The following MACROD2 variants were observed in gnomAD, a reference collection of about 807,000 sequenced individuals.
MACROD2 encodes mono-ADP ribosylhydrolase 2, also known as ADP-ribose glycohydrolase MACROD2.
MACROD2 carries 36 observed loss-of-function variants against 70.4 expected under a neutral mutation model. That is an observed-to-expected ratio of 0.51 (90% CI 0.39 to 0.68). MACROD2 has a LOEUF of 0.68. MACROD2 is among the 30% of genes least tolerant of loss of function. The pLI, the probability that MACROD2 is intolerant of heterozygous loss-of-function variation, is 0.00. For missense variants in MACROD2, 496 were observed against 538.4 expected (o/e 0.92, Z 0.78); for synonymous variants, 172 against 178.8 (o/e 0.96, Z 0.30).
intron 5 of MACROD2, among the ~76,000 whole-genome samples, chr20:14,790,790 C>A (rs2072441618): frequency 6.6e-6 from 1 of 152,054 alleles, no homozygotes; most frequent in South Asian, 2.1e-4. Context: ...GGAGTTTAGA[C>A]CACAAACACT....
chr20:14,427,188 C>G (rs1431613078), intron 3 of MACROD2, among the ~76,000 whole-genome samples: 1 of 151,440 alleles, frequency 6.6e-6, no homozygotes, highest in South Asian at 2.1e-4. Context: ...TTTATTCGTC[C>G]TCTGTCTTTC....
intron 8 of MACROD2, among the ~76,000 whole-genome samples, chr20:15,803,926 T>C (rs1374578791): frequency 1.3e-5 from 2 of 152,246 alleles, no homozygotes; most frequent in Non-Finnish European, 2.9e-5. Context: ...TTCCCAATGT[T>C]TCTTTAAACT....
chr20:15,148,256 G>C (rs1203968184), intron 5 of MACROD2, among the ~76,000 whole-genome samples: 1 of 151,888 alleles, frequency 6.6e-6, no homozygotes, highest in Non-Finnish European at 1.5e-5. Context: ...GTGGGGGGTT[G>C]TTAGAAGAAA....
intron 17 of MACROD2, among the ~76,000 whole-genome samples, chr20:16,048,831 A>G (rs6034360): frequency 0.25 from 37,827 of 152,098 alleles, 4,838 homozygotes; most frequent in Middle Eastern, 0.39. Context: ...ATGAAAACCT[A>G]TATTCACAAA....
At position 15,731,817 on chromosome 20, in the gene MACROD2, G is replaced by A. The variant is rs2050947655; in HGVS notation, c.646-130928G>A. Reference sequence around the variant, plus strand: ...GTTGCCCAGGCTGGAGTGCAATAGCGCGATCTTGGCTCACTGCAAACTTCA... The same window carrying A: ...GTTGCCCAGGCTGGAGTGCAATAGCACGATCTTGGCTCACTGCAAACTTCA... On this transcript the variant is annotated intron_variant, in intron 8 of 17. Coordinates refer to ENST00000684519, the MANE Select transcript of MACROD2 (RefSeq NM_001351661.2). Among the ~76,000 whole-genome samples the A allele has an allele frequency of 3.7e-5, 2 of 53,334 alleles. 1 individual carries two copies. Among genetic ancestry groups the A allele is most frequent in the Admixed American group, 3.7e-4 (2 of 5,376 alleles). 35.0% of individuals were successfully genotyped at this position (53,334 alleles called of 152,430 possible). A position where few individuals can be genotyped will look rare whatever the true frequency, so the allele number is the denominator to read the frequency against.
intron 6 of MACROD2, among the ~76,000 whole-genome samples, chr20:15,385,035 C>A (rs1293064811): frequency 1.3e-5 from 2 of 152,138 alleles, no homozygotes; most frequent in Non-Finnish European, 2.9e-5. Context: ...GTTGATGCAA[C>A]AGCTGCAGAG....
intron 6 of MACROD2, among the ~76,000 whole-genome samples, chr20:15,298,371 A>C (rs1004605118): frequency 6.6e-6 from 1 of 152,198 alleles, no homozygotes; most frequent in Non-Finnish European, 1.5e-5. Flanking sequence ...CTGGCTGTCC[A>C]TACTGCTCTG....
At chr20:15,483,940 A>C (rs777787868) in intron 7 of MACROD2, among the ~76,000 whole-genome samples, 8 of 151,940 alleles carry the variant, frequency 5.3e-5, no homozygotes, top group Non-Finnish European at 8.8e-5. Flanking sequence ...ATAATTGCTT[A>C]TTTTCTCCAG....
At chr20:14,801,773 C>T (rs901324752) in intron 5 of MACROD2, among the ~76,000 whole-genome samples, 1 of 152,020 alleles carries the variant, frequency 6.6e-6, no homozygotes, top group African/African-American at 2.4e-5. Context: ...AACTGGACAC[C>T]TCTACTGTTC....
chr20:15,619,562 C>T, intron 8 of MACROD2: 1 of 424,206 alleles, frequency 2.4e-6, no homozygotes. Flanking sequence ...ATGTGGTCAC[C>T]AGTCATCAGG....
intron 5 of MACROD2, among the ~76,000 whole-genome samples, chr20:14,814,325 G>A (rs1052425583): frequency 4.6e-5 from 7 of 151,958 alleles, no homozygotes; most frequent in Non-Finnish European, 1.0e-4. Flanking sequence ...CATATGAAGA[G>A]GAATAAGAGA....
chr20:15,701,122 C>G (rs1331056287), intron 8 of MACROD2, among the ~76,000 whole-genome samples: 1 of 152,186 alleles, frequency 6.6e-6, no homozygotes, highest in Non-Finnish European at 1.5e-5. Context: ...CTGGCCCTTT[C>G]TTCTTTTTGT....
chr20:14,003,257 A>G (rs1263041158), intron 2 of MACROD2, among the ~76,000 whole-genome samples: 1 of 152,230 alleles, frequency 6.6e-6, no homozygotes, highest in Non-Finnish European at 1.5e-5. Flanking sequence ...TAAAATCTGA[A>G]GGGAAAGATT....
intron 9 of MACROD2, among the ~76,000 whole-genome samples, chr20:15,863,512 C>G (rs538591209): frequency 3.9e-5 from 6 of 152,122 alleles, no homozygotes; most frequent in African/African-American, 1.2e-4. Context: ...TGTTTAATGC[C>G]TTGTTATTTT....
At chr20:15,122,737 C>T (rs2076039653) in intron 5 of MACROD2, among the ~76,000 whole-genome samples, 1 of 152,074 alleles carries the variant, frequency 6.6e-6, no homozygotes, top group Non-Finnish European at 1.5e-5. Context: ...TTCACTCCAC[C>T]CCCAAACTAA....
chr20:15,964,487 G>A (rs900732032), intron 12 of MACROD2, among the ~76,000 whole-genome samples: 3 of 151,972 alleles, frequency 2.0e-5, no homozygotes, highest in East Asian at 1.9e-4. Flanking sequence ...TTTATGATCC[G>A]ATCACCTTCC....
At chr20:15,626,578 G>T (rs1246672640) in intron 8 of MACROD2, among the ~76,000 whole-genome samples, 3 of 152,178 alleles carry the variant, frequency 2.0e-5, no homozygotes, top group African/African-American at 7.2e-5. Flanking sequence ...AAATGGGGTG[G>T]GCACGCTGGC....
At chr20:14,153,713 G>A (rs755301782) in intron 3 of MACROD2, among the ~76,000 whole-genome samples, 18 of 152,090 alleles carry the variant, frequency 1.2e-4, no homozygotes, top group Admixed American at 2.6e-4. Context: ...TGGCAAAAGC[G>A]AAAATAATCA....
At chr20:14,567,906 G>C (rs1041977827) in intron 4 of MACROD2, among the ~76,000 whole-genome samples, 2 of 152,008 alleles carry the variant, frequency 1.3e-5, no homozygotes, top group African/African-American at 4.8e-5. Context: ...ACATAGGTAA[G>C]GAGAGAGAAA....
Sources: allele counts gnomAD v4.1 joint callset (sites outside exome capture counted in the v4.1 genomes callset), GRCh38; gene constraint gnomAD v4.1.1; transcripts MANE v1.5; gene names NCBI Gene and HGNC (gene_info 2026-07-23, HGNC 2026-07-21).